Variants in SENP5 observed in about 807,000 individuals in gnomAD.
The protein encoded by SENP5 is SUMO specific peptidase 5.
In SENP5, 21 loss-of-function variants were observed where a neutral mutation model predicts 74.2. The ratio of observed to expected loss-of-function variants is 0.28; its 90% CI spans 0.20 to 0.41. The LOEUF is 0.41. Ranked by LOEUF, SENP5 falls within the 10% of genes least tolerant of loss-of-function variation. SENP5 has a pLI of 1.00. For missense variants in SENP5, 717 were observed against 889.1 expected (o/e 0.81, Z 2.46); for synonymous variants, 311 against 312.7 (o/e 0.99, Z 0.06).
intron 2 of SENP5, among the ~76,000 whole-genome samples, chr3:196,887,464 GAC>G (rs769495143): frequency 1.3e-5 from 2 of 151,624 alleles, no homozygotes; most frequent in African/African-American, 2.4e-5. Context: ...ACAGGCGTGA[GAC>G]ACCGTGCCCT....
At chr3:196,903,482 C>G (rs763177380) in intron 5 of SENP5, 51 bp from the exon 6 acceptor site, 1 of 1,160,228 alleles carries the variant, frequency 8.6e-7, no homozygotes, top group Non-Finnish European at 1.2e-6. Flanking sequence ...GAAGTTAAAT[C>G]TGGGCACAGC....
intron 6 of SENP5, among the ~76,000 whole-genome samples, chr3:196,907,904 A>C (rs13093438): frequency 1.4e-5 from 2 of 145,536 alleles, no homozygotes; most frequent in Non-Finnish European, 3.1e-5. Context: ...AAAAAAAAAA[A>C]AAACCCAGGT....
Position 196,885,736 on chromosome 3 carries a change from C to T in SENP5, c.555C>T (p.Val185=). 5.0e-6 allele frequency: 8 copies of T among 1,614,194 alleles called. No homozygotes were observed. The highest frequency in any genetic ancestry group is 5.9e-6 in the Non-Finnish European group (7 of 1,180,036). The part of the protein sequence containing the change: ...QSPGESGTIV[V]TLNNHKRKGF... ...CAGGTGAGAGTGGCACGATTGTGGTCACCTTGAACAACCATAAGAGAAAGG... is the reference window on the plus strand; with the variant it reads ...CAGGTGAGAGTGGCACGATTGTGGTTACCTTGAACAACCATAAGAGAAAGG... The change falls in exon 2 of 10, where the codon GTC becomes GTT. Residue 185 remains valine, a synonymous_variant. Coordinates refer to ENST00000323460, the MANE Select transcript of SENP5 (RefSeq NM_152699.5).
rs1221070131 is a variant in SENP5 at position 196,932,437 on chromosome 3, A to C, written c.*1514A>C. 6.6e-6 allele frequency: 1 copy of C among 152,342 alleles called. No homozygotes were observed. Among genetic ancestry groups the C allele is most frequent in the African/African-American group, 2.4e-5 (1 of 41,452 alleles). The allele number at this position is 152,342 out of a possible 1,614,324, so 9.4% of individuals were successfully genotyped here. A position where few individuals can be genotyped will look rare whatever the true frequency, so the allele number is the denominator to read the frequency against. ...TTGAGGATTGAGTCCGACCATGTTT[A>C]CATGCAGGGTTCCCAACACCAGTGG... On this transcript the variant is annotated 3_prime_UTR_variant, in exon 10 of 10. Transcript: ENST00000323460.
At chr3:196,911,001 A>T (rs1423032667) in intron 6 of SENP5, among the ~76,000 whole-genome samples, 1 of 152,224 alleles carries the variant, frequency 6.6e-6, no homozygotes, top group African/African-American at 2.4e-5. Flanking sequence ...GATGCTGGGA[A>T]AACTGGCTAG....
chr3:196,907,649 G>T (rs1250373797), intron 6 of SENP5, among the ~76,000 whole-genome samples: 2 of 152,080 alleles, frequency 1.3e-5, no homozygotes, highest in Non-Finnish European at 2.9e-5. Flanking sequence ...TAGATCAGGG[G>T]TGTCCAATCT....
chr3:196,912,052 C>T (rs557502470), intron 6 of SENP5, among the ~76,000 whole-genome samples: 1 of 152,264 alleles, frequency 6.6e-6, no homozygotes, highest in Admixed American at 6.5e-5. Context: ...CCAGAAATAT[C>T]ATTTGACCCA....
At chr3:196,911,623 C>T (rs1025920992) in intron 6 of SENP5, among the ~76,000 whole-genome samples, 23 of 150,980 alleles carry the variant, frequency 1.5e-4, no homozygotes, top group Non-Finnish European at 3.2e-4. Flanking sequence ...CAGTTGGGCG[C>T]GGTGGCTCAC....
chr3:196,889,251 A>G (rs1714106911), intron 2 of SENP5, among the ~76,000 whole-genome samples: 2 of 152,038 alleles, frequency 1.3e-5, no homozygotes, highest in Non-Finnish European at 2.9e-5. Flanking sequence ...GTAAAGCCAG[A>G]TTTCCCTACT....
Position 196,923,394 on chromosome 3 carries a change from CT to C in SENP5, c.1885-17del. The C allele has an allele frequency of 6.3e-7, 1 of 1,590,520 alleles. No individual in the cohort carries two copies. Reference sequence around the variant, plus strand: ...ATAGCCTGTGGTGATGGCTGCATTTCTTTCTCTTTTCTTGATCAGGTGGATT... The same window carrying C: ...ATAGCCTGTGGTGATGGCTGCATTTCTTCTCTTTTCTTGATCAGGTGGATT... On this transcript the variant is annotated intron_variant, in intron 6 of 9. Coordinates refer to ENST00000323460, the MANE Select transcript of SENP5 (RefSeq NM_152699.5).
At chr3:196,879,908 A>G (rs189827000) in intron 1 of SENP5, among the ~76,000 whole-genome samples, 5 of 152,216 alleles carry the variant, frequency 3.3e-5, no homozygotes, top group East Asian at 1.9e-4. Context: ...CAGTTTTTCT[A>G]TATGCTTCAC....
chr3:196,930,082 T>C (rs1715976079), intron 9 of SENP5, among the ~76,000 whole-genome samples: 1 of 152,184 alleles, frequency 6.6e-6, no homozygotes, highest in African/African-American at 2.4e-5. Context: ...AACTGCCATC[T>C]TGTGCTGTAG....
At position 196,884,155 on chromosome 3, in the gene SENP5, G is replaced by T. The variant is rs1000488828; in HGVS notation, c.-31-996G>T. 6.6e-5 allele frequency among the ~76,000 whole-genome samples: 10 copies of T among 152,302 alleles called. No individual in the cohort carries two copies. The South Asian group carries it at 1.0e-3, about 16-fold the overall frequency. Reference sequence around the variant, plus strand: ...AGGTACTTTTGTTCTGTATAGTCATGCACCAGTAGATATTTAGTAAATACA... The same window carrying T: ...AGGTACTTTTGTTCTGTATAGTCATTCACCAGTAGATATTTAGTAAATACA... On this transcript the variant is annotated intron_variant, in intron 1 of 9. Coordinates refer to ENST00000323460, the MANE Select transcript of SENP5 (RefSeq NM_152699.5).
rs56188124 is a variant in SENP5, at chr3:196,880,638, CTT to C, written c.-31-4494_-31-4493del. On this transcript the variant is annotated intron_variant, in intron 1 of 9. Transcript: ENST00000323460. Reference sequence around the variant, plus strand: ...GATTGAAGAGTATTAGCCAGTTATTCTTTTTTTTTTTTTTTTTTTTGAGACGG... The same window carrying C: ...GATTGAAGAGTATTAGCCAGTTATTCTTTTTTTTTTTTTTTTTTGAGACGG... 8.5e-3 allele frequency among the ~76,000 whole-genome samples: 867 copies of C among 101,956 alleles called. 5 individuals are homozygous for C. The highest frequency in any genetic ancestry group is 0.03 in the African/African-American group (767 of 25,906). The allele number at this position is 101,956 out of a possible 152,430, so 66.9% of individuals were successfully genotyped here.
In SENP5 at chr3:196,904,395, A is replaced by G. The variant is rs117910271; in HGVS notation, c.1884+785A>G. Among the ~76,000 whole-genome samples the G allele has an allele frequency of 2.0e-4, 30 of 152,336 alleles. No individual in the cohort carries two copies. The East Asian group carries it at 5.8e-3, about 29-fold the overall frequency. On this transcript the variant is annotated intron_variant, in intron 6 of 9. Transcript: ENST00000323460. ...AGAAGTGAGTTTGGTATATTGGAGTATTACACACATGAGATCAGGGAAGGA... is the reference window on the plus strand; with the variant it reads ...AGAAGTGAGTTTGGTATATTGGAGTGTTACACACATGAGATCAGGGAAGGA...
chr3:196,908,824 AAAAC>A (rs1175311358), intron 6 of SENP5, among the ~76,000 whole-genome samples: 32 of 152,334 alleles, frequency 2.1e-4, no homozygotes, highest in Admixed American at 1.6e-3. Context: ...ACTCTGTCTC[AAAAC>A]AAACAAACAA....
Position 196,885,789 on chromosome 3 carries a change from C to T in SENP5, c.608C>T (p.Pro203Leu), listed in dbSNP as rs370946094. 6.2e-5 allele frequency: 100 copies of T among 1,614,034 alleles called. No individual in the cohort carries two copies. Among genetic ancestry groups the T allele is most frequent in the South Asian group, 5.5e-5 (5 of 91,078 alleles). Residue 203 changes from proline (P) to leucine (L), a missense_variant, in exon 2 of 10, where the codon CCG becomes CTG. Coordinates refer to ENST00000323460, the MANE Select transcript of SENP5 (RefSeq NM_152699.5). ...KGFCYGCCQGPEHHRNGGPLI... is the reference protein window; with the variant it reads ...KGFCYGCCQGLEHHRNGGPLI... ...TTTTGTTACGGCTGCTGCCAAGGGC[C>T]GGAGCACCACAGGAATGGGGGACCC... is the stretch of plus-strand genomic sequence containing the variant.
chr3:196,874,461 A>G lies in SENP5; in HGVS notation c.-32+6388A>G, dbSNP rs144634393. Among the ~76,000 whole-genome samples the G allele has an allele frequency of 4.4e-3, 664 of 152,038 alleles. 2 individuals are homozygous for G. The highest frequency in any genetic ancestry group is 0.01 in the Middle Eastern group (3 of 294). On this transcript the variant is annotated intron_variant, in intron 1 of 9. Coordinates refer to ENST00000323460, the MANE Select transcript of SENP5 (RefSeq NM_152699.5). Reference sequence around the variant, plus strand: ...CCTTATCTTGCTCGACTTCTCAACAACCTTTAACTGACCATTTCCCTCTTT... The same window carrying G: ...CCTTATCTTGCTCGACTTCTCAACAGCCTTTAACTGACCATTTCCCTCTTT...
At chr3:196,871,578 G>T (rs1302118794) in intron 1 of SENP5, among the ~76,000 whole-genome samples, 1 of 151,942 alleles carries the variant, frequency 6.6e-6, no homozygotes, top group Admixed American at 6.6e-5. Flanking sequence ...TATAATTTAC[G>T]GCCTGGTGCA....
Sources: allele counts gnomAD v4.1 joint callset (sites outside exome capture counted in the v4.1 genomes callset), GRCh38; gene constraint gnomAD v4.1.1; transcripts MANE v1.5; gene names NCBI Gene and HGNC (gene_info 2026-07-23, HGNC 2026-07-21).